CELF2: variants seen among roughly 807,000 people sequenced by gnomAD.
CELF2 encodes CUG triplet repeat RNA-binding protein 2.
Under a neutral mutation model 62.6 loss-of-function variants are expected in CELF2, and 8 were observed. The ratio of observed to expected loss-of-function variants is 0.13; its 90% CI spans 0.07 to 0.23. The LOEUF is 0.23. CELF2 is among the 10% of genes least tolerant of loss of function. The pLI, the probability that CELF2 is intolerant of heterozygous loss-of-function variation, is 1.00. For synonymous variants in CELF2, 258 were observed against 250.0 expected (o/e 1.03, Z -0.30); for missense variants, 333 against 671.0 (o/e 0.50, Z 5.56).
At chr10:10,817,085 A>C (rs1455137893) in intron 1 of CELF2, among the ~76,000 whole-genome samples, 1 of 152,108 alleles carries the variant, frequency 6.6e-6, no homozygotes, top group Non-Finnish European at 1.5e-5. Flanking sequence ...ACGGTGGGAG[A>C]GTGTGCAAAG....
upstream of CELF2, among the ~76,000 whole-genome samples, chr10:10,797,263 G>A (rs529103086): frequency 6.6e-6 from 1 of 152,156 alleles, no homozygotes; most frequent in African/African-American, 2.4e-5. Context: ...AAGTAACAAG[G>A]ACATGACAAA....
chr10:11,072,478 T>G (rs2070406846), intron 1 of CELF2, among the ~76,000 whole-genome samples: 1 of 152,236 alleles, frequency 6.6e-6, no homozygotes, highest in South Asian at 2.1e-4. Context: ...GTGCTCACTT[T>G]GTGAGGCTGG....
At chr10:11,086,604 A>AAC (rs2046861054) in intron 1 of CELF2, among the ~76,000 whole-genome samples, 1 of 115,956 alleles carries the variant, frequency 8.6e-6, no homozygotes, top group Non-Finnish European at 1.9e-5. Flanking sequence ...AAAAAAAAAA[A>AAC]AAAAAACTCC....
At chr10:10,675,354 CT>C in the CELF2 span, among the ~76,000 whole-genome samples, 1 of 152,104 alleles carries the variant, frequency 6.6e-6, no homozygotes, top group Non-Finnish European at 1.5e-5. Flanking sequence ...AGAGGTGAAT[CT>C]TTTTCCTTCC....
At chr10:10,958,152 A>T (rs143242412) in intron 2 of CELF2, among the ~76,000 whole-genome samples, 284 of 152,320 alleles carry the variant, frequency 1.9e-3, no homozygotes, top group African/African-American at 6.6e-3. Flanking sequence ...GATAAAGGGA[A>T]TTTGACAAGT....
chr10:10,645,631 G>A, the CELF2 span, among the ~76,000 whole-genome samples: 1 of 152,256 alleles, frequency 6.6e-6, no homozygotes, highest in Admixed American at 6.5e-5. Flanking sequence ...TTCAGCCTAG[G>A]TGCCAGAGCA....
intron 1 of CELF2, among the ~76,000 whole-genome samples, chr10:10,848,606 C>T (rs1396901841): frequency 2.6e-5 from 4 of 152,132 alleles, no homozygotes; most frequent in African/African-American, 9.7e-5. Flanking sequence ...CTGGAAGGCT[C>T]TCATGGTTTT....
At chr10:11,146,516 G>A (rs2062311988) in intron 1 of CELF2, among the ~76,000 whole-genome samples, 1 of 152,106 alleles carries the variant, frequency 6.6e-6, no homozygotes, top group African/African-American at 2.4e-5. Flanking sequence ...ATTACTCCTT[G>A]TGTGGCCTGT....
the CELF2 span, among the ~76,000 whole-genome samples, chr10:10,669,730 G>A: frequency 1.3e-5 from 2 of 152,024 alleles, no homozygotes; most frequent in African/African-American, 2.4e-5. Context: ...CACTGCTAAC[G>A]CTCCCTCTTC....
the CELF2 span, among the ~76,000 whole-genome samples, chr10:10,642,363 G>A: frequency 6.6e-6 from 1 of 152,180 alleles, no homozygotes; most frequent in East Asian, 1.9e-4. Context: ...AGCCAGGCTG[G>A]TTAGCTTAAA....
At chr10:11,286,315 A>G (rs1053092349) in intron 8 of CELF2, among the ~76,000 whole-genome samples, 8 of 152,196 alleles carry the variant, frequency 5.3e-5, no homozygotes, top group African/African-American at 1.9e-4. Context: ...AATCGGTGCC[A>G]TATGCATATT....
chr10:10,621,349 T>C, the CELF2 span, among the ~76,000 whole-genome samples: 1 of 152,294 alleles, frequency 6.6e-6, no homozygotes, highest in African/African-American at 2.4e-5. Context: ...CTTAATTCTT[T>C]GGGAAGAGCT....
intron 1 of CELF2, among the ~76,000 whole-genome samples, chr10:11,153,811 T>C (rs977984021): frequency 6.6e-6 from 1 of 152,204 alleles, no homozygotes; most frequent in Non-Finnish European, 1.5e-5. Flanking sequence ...GGATTTCTTT[T>C]TGGGTAGGGG....
At chr10:10,796,908 G>A (rs369822439), upstream of CELF2, 151 of 984,996 alleles carry the variant, frequency 1.5e-4, no homozygotes, top group African/African-American at 2.4e-3. Context: ...TACGAGGTAT[G>A]AAATTCTCTT....
intron 2 of CELF2, among the ~76,000 whole-genome samples, chr10:11,204,790 C>CCGTCCTCAT (rs1328585732): frequency 6.6e-6 from 1 of 152,214 alleles, no homozygotes; most frequent in Non-Finnish European, 1.5e-5. Context: ...CTCCTCCTCC[C>CCGTCCTCAT]CGTCCTCATC....
At chr10:10,894,118 GA>G (rs1326219534) in intron 1 of CELF2, among the ~76,000 whole-genome samples, 19 of 144,508 alleles carry the variant, frequency 1.3e-4, no homozygotes, top group South Asian at 8.7e-4. Context: ...TGGGACAGGA[GA>G]AAAAAAAAAG....
chr10:11,215,599 T>A (rs2063141772), intron 2 of CELF2, among the ~76,000 whole-genome samples: 1 of 152,174 alleles, frequency 6.6e-6, no homozygotes, highest in Non-Finnish European at 1.5e-5. Context: ...TGCTTTTTTT[T>A]TTTTTTAACT....
Position 11,250,881 on chromosome 10 carries a change from C to T in CELF2, c.403+1680C>T, listed in dbSNP as rs1024765552. ...GCACCCAGAGGTGGTCTCCTGGCCT[C>T]TGCAGGCTCTCCATGGAGCGTGCTG... On this transcript the variant is annotated intron_variant, in intron 4 of 12. Coordinates refer to ENST00000633077, the MANE Select transcript of CELF2 (RefSeq NM_001326342.2). Among the ~76,000 whole-genome samples, 17 of 152,226 alleles carry T rather than the reference C, an allele frequency of 1.1e-4. No homozygotes were observed. In the East Asian group the frequency reaches 3.3e-3, roughly 29 times the overall value.
chr10:10,857,681 A>ATAT (rs1040346336), intron 1 of CELF2, among the ~76,000 whole-genome samples: 1 of 137,608 alleles, frequency 7.3e-6, no homozygotes, highest in Non-Finnish European at 1.6e-5. Flanking sequence ...ATATATATAT[A>ATAT]TTTTACCTCA....
Sources: gnomAD v4.1 joint callset for allele counts (sites outside exome capture counted in the v4.1 genomes callset) on GRCh38, gnomAD v4.1.1 for gene constraint, MANE v1.5 for transcripts, NCBI Gene and HGNC (gene_info 2026-07-23, HGNC 2026-07-21) for gene names.